TENM3: variants seen among roughly 807,000 people sequenced by gnomAD.
TENM3 encodes the protein teneurin transmembrane protein 3, also known as teneurin-3.
In TENM3, 63 loss-of-function variants were observed where a neutral mutation model predicts 255.1. The observed-to-expected ratio is 0.25, with a 90% CI of 0.20 to 0.30. TENM3 has a LOEUF of 0.30. TENM3 is among the 10% of genes least tolerant of loss of function. The probability of loss-of-function intolerance (pLI) is 1.00; values close to 1 mark genes in which losing one functional copy is unlikely to be tolerated. For synonymous variants in TENM3, 1,306 were observed against 1,322.3 expected, an observed-to-expected ratio of 0.99 and a Z score of 0.27; for missense variants, 2,929 against 3,461.1, an observed-to-expected ratio of 0.85 and a Z score of 3.86.
At position 182,184,100 on chromosome 4, in the gene TENM3, T is replaced by C. The variant is rs1037822115; in HGVS notation, c.-76+39346T>C. On this transcript the variant is annotated intron_variant, in intron 1 of 2. Transcript: ENST00000512480. ...CTCAACTTCAAAAAGTTTAATAATATTATAGCAGCTGGTTAGAAATTACAG... is the reference window on the plus strand; with the variant it reads ...CTCAACTTCAAAAAGTTTAATAATACTATAGCAGCTGGTTAGAAATTACAG... 3.3e-4 allele frequency among the ~76,000 whole-genome samples: 50 copies of C among 152,200 alleles called. 1 individual carries two copies. The highest frequency in any genetic ancestry group is 2.2e-3 in the Admixed American group (33 of 15,274).
intron 13 of TENM3, among the ~76,000 whole-genome samples, chr4:182,727,864 CT>C (rs35226237): frequency 6.1e-4 from 86 of 140,708 alleles, no homozygotes; most frequent in South Asian, 1.6e-3. Flanking sequence ...CTTAGAAGAA[CT>C]TTTTTTTTTT....
At chr4:182,263,998 C>A (rs1378999318) in intron 1 of TENM3, among the ~76,000 whole-genome samples, 1 of 152,208 alleles carries the variant, frequency 6.6e-6, no homozygotes, top group Admixed American at 6.5e-5. Context: ...CAAGCCGGAT[C>A]ACTAGGGCCG....
chr4:181,528,094 AAC>A, the TENM3 span, among the ~76,000 whole-genome samples: 3 of 152,114 alleles, frequency 2.0e-5, no homozygotes, highest in African/African-American at 7.2e-5. Flanking sequence ...TAGGAAAAAA[AAC>A]AGAAATGAAA....
intron 2 of TENM3, among the ~76,000 whole-genome samples, chr4:182,335,613 A>G (rs2150580546): frequency 6.6e-6 from 1 of 151,956 alleles, no homozygotes; most frequent in Admixed American, 6.6e-5. Flanking sequence ...CCAGGGACTC[A>G]ATAGTAGGGG....
chr4:181,828,788 C>A, the TENM3 span, among the ~76,000 whole-genome samples: 1 of 152,134 alleles, frequency 6.6e-6, no homozygotes, highest in Admixed American at 6.5e-5. Flanking sequence ...TGGGGTTTCA[C>A]CATGTTGGCC....
chr4:182,506,883 G>A (rs1250853351), intron 3 of TENM3, among the ~76,000 whole-genome samples: 2 of 152,142 alleles, frequency 1.3e-5, no homozygotes. Flanking sequence ...ATACCTTAAA[G>A]ATCACTGGCC....
chr4:182,372,292 A>G (rs1257340970), intron 3 of TENM3, among the ~76,000 whole-genome samples: 4 of 152,198 alleles, frequency 2.6e-5, no homozygotes, highest in African/African-American at 7.2e-5. Flanking sequence ...TGTACTGTCA[A>G]CAGATTCATT....
intron 3 of TENM3, among the ~76,000 whole-genome samples, chr4:182,466,399 A>G (rs1353274365): frequency 6.6e-6 from 1 of 151,892 alleles, no homozygotes; most frequent in African/African-American, 2.4e-5. Flanking sequence ...TTTCATGTGG[A>G]CTTCTTTCTT....
intron 1 of TENM3, among the ~76,000 whole-genome samples, chr4:182,186,638 A>G (rs2149766218): frequency 6.6e-6 from 1 of 150,750 alleles, no homozygotes; most frequent in South Asian, 2.1e-4. Context: ...TGACTTCTGG[A>G]TCAGTACTGA....
the TENM3 span, among the ~76,000 whole-genome samples, chr4:182,069,466 C>A: frequency 2.6e-5 from 4 of 152,050 alleles, no homozygotes; most frequent in African/African-American, 9.7e-5. Flanking sequence ...TCCTTCTAGC[C>A]CCCTTCTACC....
the TENM3 span, among the ~76,000 whole-genome samples, chr4:182,100,714 T>C: frequency 8.8e-4 from 6 of 6,832 alleles, no homozygotes; most frequent in East Asian, 9.3e-3. Flanking sequence ...TATACACACA[T>C]ATATATACAC....
the TENM3 span, among the ~76,000 whole-genome samples, chr4:181,944,993 G>A: frequency 6.6e-6 from 1 of 152,186 alleles, no homozygotes; most frequent in South Asian, 2.1e-4. Flanking sequence ...AGACACTGTG[G>A]TTGATCTGAT....
At chr4:182,203,966 A>G (rs150915605) in intron 1 of TENM3, among the ~76,000 whole-genome samples, 1,620 of 152,328 alleles carry the variant, frequency 0.011, 16 homozygotes, top group Non-Finnish European at 0.014. Flanking sequence ...AAGATATAAC[A>G]TGGATTCGAG....
the TENM3 span, among the ~76,000 whole-genome samples, chr4:181,875,714 C>T: frequency 3.3e-5 from 5 of 152,122 alleles, no homozygotes; most frequent in African/African-American, 1.2e-4. Context: ...GTAAGTGTGC[C>T]GATGGACAGA....
chr4:182,698,751 G>C (rs1757624532), intron 12 of TENM3, among the ~76,000 whole-genome samples: 2 of 152,106 alleles, frequency 1.3e-5, no homozygotes, highest in Admixed American at 1.3e-4. Flanking sequence ...TCATGAAAAA[G>C]ACAGGCAGCA....
At chr4:182,003,681 T>C in the TENM3 span, among the ~76,000 whole-genome samples, 25 of 152,168 alleles carry the variant, frequency 1.6e-4, no homozygotes, top group African/African-American at 6.0e-4. Flanking sequence ...AGGGAAATTA[T>C]ATCTCACTAA....
chr4:182,066,633 A>G, the TENM3 span, among the ~76,000 whole-genome samples: 323 of 150,180 alleles, frequency 2.2e-3, 3 homozygotes, highest in African/African-American at 7.1e-3. Context: ...AGCTTGGGCC[A>G]GGCGCGGTGG....
the TENM3 span, among the ~76,000 whole-genome samples, chr4:181,678,756 T>C: frequency 6.6e-6 from 1 of 151,768 alleles, no homozygotes; most frequent in African/African-American, 2.4e-5. Context: ...TTAATTTTCT[T>C]TATAAAATAT....
chr4:181,875,853 A>G, the TENM3 span, among the ~76,000 whole-genome samples: 5 of 152,150 alleles, frequency 3.3e-5, no homozygotes, highest in Non-Finnish European at 7.4e-5. Context: ...TGAAAAGCAC[A>G]TAATAACTTG....
Sources: allele counts gnomAD v4.1 joint callset (sites outside exome capture counted in the v4.1 genomes callset), GRCh38; gene constraint gnomAD v4.1.1; transcripts MANE v1.5; gene names NCBI Gene and HGNC (gene_info 2026-07-23, HGNC 2026-07-21).